GTPBP1: variants seen among roughly 807,000 people sequenced by gnomAD.
GTPBP1 encodes GTP-binding protein 1.
Under a neutral mutation model 62.0 loss-of-function variants are expected in GTPBP1, and 23 were observed. The ratio of observed to expected loss-of-function variants is 0.37; its 90% CI spans 0.27 to 0.53. The LOEUF is 0.53. Among genes scored for constraint, GTPBP1 ranks in the 20% least tolerant of loss-of-function variants. The probability of loss-of-function intolerance (pLI) is 0.89; values close to 1 mark genes in which losing one functional copy is unlikely to be tolerated. For synonymous variants in GTPBP1, 344 were observed against 364.4 expected, an observed-to-expected ratio of 0.94 and a Z score of 0.64; for missense variants, 640 against 917.3, an observed-to-expected ratio of 0.70 and a Z score of 3.90.
Position 38,733,372 on chromosome 22 carries a change from C to T in GTPBP1, c.*2668C>T, listed in dbSNP as rs1211174550. Reference sequence around the variant, plus strand: ...TCTTGGGATTCAGGAGCTCGGGCGACTGCCTTGGCCTCTGGCCGCACCCAG... The same window carrying T: ...TCTTGGGATTCAGGAGCTCGGGCGATTGCCTTGGCCTCTGGCCGCACCCAG... On this transcript the variant is annotated 3_prime_UTR_variant, in exon 12 of 12. Coordinates refer to ENST00000216044, the MANE Select transcript of GTPBP1 (RefSeq NM_004286.5). 6.6e-6 allele frequency: 1 copy of T among 152,300 alleles called. No individual in the cohort carries two copies. Among genetic ancestry groups the T allele is most frequent in the Admixed American group, 6.5e-5 (1 of 15,292 alleles). The allele number at this position is 152,300 out of a possible 1,614,324, so 9.4% of individuals were successfully genotyped here. A position where few individuals can be genotyped will look rare whatever the true frequency, so the allele number is the denominator to read the frequency against.
At chr22:38,728,245 T>A in intron 10 of GTPBP1, 84 bp downstream of exon 10, 1 of 956,458 alleles carries the variant, frequency 1.0e-6, no homozygotes, top group Non-Finnish European at 1.6e-6. Context: ...GGGCAGAGGT[T>A]TAGTCACTGC....
At chr22:38,738,768 A>C (rs375644527), downstream of GTPBP1, 2 of 1,612,468 alleles carry the variant, frequency 1.2e-6, no homozygotes, top group Non-Finnish European at 1.7e-6. The surrounding 1 kb of genome is among the most constrained non-coding windows in gnomAD (Gnocchi z 6.6). Context: ...GAGGAGCAGA[A>C]AGTCATGTCA....
chr22:38,718,633 G>A (rs2092683495), intron 4 of GTPBP1, among the ~76,000 whole-genome samples: 1 of 152,192 alleles, frequency 6.6e-6, no homozygotes, highest in Non-Finnish European at 1.5e-5. Flanking sequence ...CAGCTGGGGT[G>A]ACTCATCTAG....
In GTPBP1 at chr22:38,708,828, G is replaced by T. The variant is rs747047990; in HGVS notation, c.193-17G>T. ...TTCTAGCAAGTGTGGTCCTAAGGCT[G>T]TTGGTTTCTTTTCTAGCTGGTTCTA... is the stretch of plus-strand genomic sequence containing the variant. On this transcript the variant is annotated splice_polypyrimidine_tract_variant and intron_variant, in intron 1 of 11. Coordinates refer to ENST00000216044, the MANE Select transcript of GTPBP1 (RefSeq NM_004286.5). The T allele has an allele frequency of 7.0e-7, 1 of 1,422,620 alleles. No homozygotes were observed. Among genetic ancestry groups the T allele is most frequent in the Admixed American group, 1.7e-5 (1 of 59,804 alleles). The allele number at this position is 1,422,620 out of a possible 1,614,324, so 88.1% of individuals were successfully genotyped here. A position where few individuals can be genotyped will look rare whatever the true frequency, so the allele number is the denominator to read the frequency against.
chr22:38,738,940 G>C, downstream of GTPBP1: 5 of 1,613,654 alleles, frequency 3.1e-6, no homozygotes, highest in Non-Finnish European at 4.2e-6. The surrounding 1 kb of genome is among the most constrained non-coding windows in gnomAD (Gnocchi z 6.6). Context: ...GAGGAGGGCC[G>C]TCTTGGTCTC....
In GTPBP1 at chr22:38,730,558, C is replaced by T. The variant is rs2092752042; in HGVS notation, c.1918-54C>T. 2.9e-5 allele frequency: 35 copies of T among 1,208,696 alleles called. No individual in the cohort carries two copies. Among genetic ancestry groups the T allele is most frequent in the Non-Finnish European group, 4.0e-5 (33 of 821,840 alleles). The allele number at this position is 1,208,696 out of a possible 1,614,324, so 74.9% of individuals were successfully genotyped here. On this transcript the variant is annotated intron_variant, in intron 11 of 11. Transcript: ENST00000216044. This position sits in a 1 kb window ranked among gnomAD's most constrained non-coding sequence, Gnocchi z 5.6. ...CCCCGCTGCTCAGCACCTCTGCTCT[C>T]TGGCCCTGCTCCTGATGGGCCAGTG...
chr22:38,742,400 C>T, downstream of GTPBP1: 9 of 1,613,370 alleles, frequency 5.6e-6, no homozygotes, highest in African/African-American at 1.3e-5. Context: ...CCTCGTGGCT[C>T]AGGCCACCAC....
At chr22:38,722,686 G>C in intron 5 of GTPBP1, 1 of 1,581,524 alleles carries the variant, frequency 6.3e-7, no homozygotes, top group Non-Finnish European at 8.6e-7. Context: ...GATAAAAGCA[G>C]GCTTCAACTG....
chr22:38,714,336 A>G (rs2092656768), intron 2 of GTPBP1, among the ~76,000 whole-genome samples: 1 of 152,150 alleles, frequency 6.6e-6, no homozygotes, highest in Non-Finnish European at 1.5e-5. Flanking sequence ...AAACTTAGCC[A>G]GGCATGATGG....
At chr22:38,741,949 TG>T (rs138707), downstream of GTPBP1, among the ~76,000 whole-genome samples, 39,517 of 152,030 alleles carry the variant, frequency 0.26, 5,665 homozygotes, top group East Asian at 0.46. Context: ...GAGACCAGCC[TG>T]GCCAACTTGG....
downstream of GTPBP1, chr22:38,738,951 G>A (rs8138622): frequency 1.6e-3 from 2,648 of 1,613,650 alleles, 49 homozygotes; most frequent in African/African-American, 0.031. This position sits in a 1 kb window ranked among gnomAD's most constrained non-coding sequence, Gnocchi z 6.6. Context: ...TCTTGGTCTC[G>A]TAGGTCTCAG....
At chr22:38,741,082 T>C (rs2092853635), downstream of GTPBP1, 3 of 1,579,964 alleles carry the variant, frequency 1.9e-6, no homozygotes, top group African/African-American at 4.0e-5. Context: ...ATACAAGAAA[T>C]ACTCATCTCA....
Position 38,708,869 on chromosome 22 carries a change from G to A in GTPBP1, c.217G>A (p.Glu73Lys). ...SKLVLVSPTS[E>K]QYDSLLRQMW... The stretch of plus-strand genomic sequence containing the variant: ...GCTGGTTCTAGTGAGCCCTACATCA[G>A]AGCAGTATGACAGCCTACTTCGGCA... Residue 73 changes from glutamate (E) to lysine (K), a missense_variant, in exon 2 of 12, where the codon GAG becomes AAG. This residue lies in a region of GTPBP1 where 215 missense variants were observed against 235.1 expected (regional missense o/e 0.91). Coordinates refer to ENST00000216044, the MANE Select transcript of GTPBP1 (RefSeq NM_004286.5). 1 of 1,609,778 alleles carries A rather than the reference G, an allele frequency of 6.2e-7. No individual in the cohort carries two copies. Among genetic ancestry groups the A allele is most frequent in the Non-Finnish European group, 8.5e-7 (1 of 1,175,940 alleles).
chr22:38,736,351 C>T (rs1180778648), downstream of GTPBP1: 1 of 1,613,952 alleles, frequency 6.2e-7, no homozygotes, highest in South Asian at 1.1e-5. Flanking sequence ...TCCGCAGCTC[C>T]ACCACCTGGT....
At chr22:38,740,640 C>A (rs2092848682), downstream of GTPBP1, 1 of 569,446 alleles carries the variant, frequency 1.8e-6, no homozygotes, top group Admixed American at 3.3e-5. The surrounding 1 kb of genome is among the most constrained non-coding windows in gnomAD (Gnocchi z 4.8). Flanking sequence ...TGAGCCTGCT[C>A]CCTTTCTAAG....
At position 38,716,710 on chromosome 22, in the gene GTPBP1, C is replaced by T; in HGVS notation, c.544C>T (p.His182Tyr). ...AAGCACGCTTCTGGGGGTCCTGACA[C>T]ATGGGGAGCTGGACAATGGCCGAGG... ...GKSTLLGVLT[H>Y]GELDNGRGFA... The change falls in exon 4 of 12, where the codon CAT becomes TAT. Residue 182 changes from histidine to tyrosine, a missense_variant. Transcript: ENST00000216044. This position sits in a 1 kb window ranked among gnomAD's most constrained non-coding sequence, Gnocchi z 5.2. 6.2e-7 allele frequency: 1 copy of T among 1,614,170 alleles called. No homozygotes were observed. The highest frequency in any genetic ancestry group is 8.5e-7 in the Non-Finnish European group (1 of 1,180,022).
chr22:38,718,170 C>T (rs919487546), intron 4 of GTPBP1, among the ~76,000 whole-genome samples: 7 of 152,280 alleles, frequency 4.6e-5, no homozygotes, highest in Non-Finnish European at 7.4e-5. Context: ...TGACCAGCTT[C>T]TTGACTGGGC....
intron 1 of GTPBP1, 60 bp from the exon 2 acceptor site, chr22:38,708,785 G>A: frequency 1.1e-6 from 1 of 935,818 alleles, no homozygotes; most frequent in Non-Finnish European, 1.8e-6. Context: ...ATATTGATCA[G>A]CTTTGGCTGT....
intron 2 of GTPBP1, among the ~76,000 whole-genome samples, chr22:38,710,717 C>T (rs1384514953): frequency 6.6e-6 from 1 of 152,120 alleles, no homozygotes; most frequent in Non-Finnish European, 1.5e-5. Flanking sequence ...TAAGATGAAC[C>T]ACTCAAAGAT....
Sources: allele counts gnomAD v4.1 joint callset (sites outside exome capture counted in the v4.1 genomes callset), GRCh38; gene constraint gnomAD v4.1.1; regional missense constraint gnomAD v4.1.1; non-coding constraint Gnocchi (gnomAD v3.1); transcripts MANE v1.5; gene names NCBI Gene and HGNC (gene_info 2026-07-23, HGNC 2026-07-21).